The following MC2R variants were observed in gnomAD, a reference collection of about 807,000 sequenced individuals.
The protein encoded by MC2R is melanocortin 2 receptor.
Under a neutral mutation model 9.8 loss-of-function variants are expected in MC2R, and 9 were observed. That is an observed-to-expected ratio of 0.92 (90% CI 0.55 to 1.60). The LOEUF (loss-of-function observed/expected upper bound fraction) is 1.60, where lower values mean the gene tolerates loss of function less well. MC2R is among the 40% of genes most tolerant of loss of function. The pLI is 0.00. For missense variants in MC2R, 370 were observed against 389.0 expected, an observed-to-expected ratio of 0.95 and a Z score of 0.41; for synonymous variants, 185 against 154.7, an observed-to-expected ratio of 1.20 and a Z score of -1.45.
At chr18:13,886,954 G>A (rs2045280142) in intron 1 of MC2R, among the ~76,000 whole-genome samples, 1 of 152,232 alleles carries the variant, frequency 6.6e-6, no homozygotes, top group Non-Finnish European at 1.5e-5. Context: ...GATGCGGAAG[G>A]AAGGGGTTGA....
intron 1 of MC2R, among the ~76,000 whole-genome samples, chr18:13,890,889 T>C (rs1016424550): frequency 1.3e-5 from 2 of 149,438 alleles, no homozygotes; most frequent in Non-Finnish European, 1.5e-5. Flanking sequence ...GCTGAGATGA[T>C]GGGATTAGCA....
chr18:13,888,149 T>A (rs1404850196), intron 1 of MC2R, among the ~76,000 whole-genome samples: 2 of 152,202 alleles, frequency 1.3e-5, no homozygotes, highest in Admixed American at 1.3e-4. Context: ...GTTGTAATAT[T>A]TTTTTAGAAA....
rs1253906911 is a variant in MC2R at position 13,884,283 on chromosome 18, T to G, written c.*342A>C. The G allele has an allele frequency of 2.8e-6, 1 of 352,694 alleles. No homozygotes were observed. Among genetic ancestry groups the G allele is most frequent in the African/African-American group, 2.1e-5 (1 of 47,606 alleles). The allele number at this position is 352,694 out of a possible 1,614,324, so 21.8% of individuals were successfully genotyped here. A position where few individuals can be genotyped will look rare whatever the true frequency, so the allele number is the denominator to read the frequency against. On this transcript the variant is annotated 3_prime_UTR_variant, in exon 2 of 2. Transcript: ENST00000327606. ...GCCTTAGCCCAAAGCCCTTGAATTTTTATTGCTGTTTTACTAGATTGGTGC... is the reference window on the plus strand; with the variant it reads ...GCCTTAGCCCAAAGCCCTTGAATTTGTATTGCTGTTTTACTAGATTGGTGC...
rs558893035 is a variant in MC2R at position 13,896,907 on chromosome 18, A to G, written c.-128-11261T>C. Among the ~76,000 whole-genome samples, 6 of 152,366 alleles carry G rather than the reference A, an allele frequency of 3.9e-5. No individual in the cohort carries two copies. The East Asian group carries it at 1.2e-3, about 29-fold the overall frequency. On this transcript the variant is annotated intron_variant, in intron 1 of 1. Transcript: ENST00000327606. ...AGTCCATACAATAGAATGCTACATG[A>G]CAATTAAAATCACAGCTCAACATAC...
At chr18:13,904,233 TAGGC>T (rs1459729426) in intron 1 of MC2R, among the ~76,000 whole-genome samples, 1 of 150,142 alleles carries the variant, frequency 6.7e-6, no homozygotes, top group Non-Finnish European at 1.5e-5. Flanking sequence ...AAAAAAAACT[TAGGC>T]AGGCGAGGTG....
chr18:13,913,357 C>T (rs1040207964), intron 1 of MC2R, among the ~76,000 whole-genome samples: 1 of 152,194 alleles, frequency 6.6e-6, no homozygotes, highest in Admixed American at 6.5e-5. Context: ...CCTGCCACGG[C>T]TGTGCTGCTC....
intron 1 of MC2R, among the ~76,000 whole-genome samples, chr18:13,905,884 C>T (rs974247033): frequency 2.0e-5 from 3 of 152,172 alleles, no homozygotes; most frequent in South Asian, 2.1e-4. Flanking sequence ...GGTGAAACCC[C>T]GTCTCTACTA....
chr18:13,885,723 C>A, intron 1 of MC2R, 77 bp from the exon 2 acceptor site: 1 of 592,572 alleles, frequency 1.7e-6, no homozygotes. Flanking sequence ...CTTAAAGAAA[C>A]TCTATTCCCT....
chr18:13,884,868 C>T lies in MC2R; in HGVS notation c.651G>A (p.Gly217=). The part of the protein sequence containing the change: ...ISTLPRANMK[G]AITLTILLGV... ...CGAGCAGGATGGTCAGTGTGATGGCCCCTTTCATGTTGGCTCTGGGGAGGG... is the reference window on the plus strand; with the variant it reads ...CGAGCAGGATGGTCAGTGTGATGGCTCCTTTCATGTTGGCTCTGGGGAGGG... The change falls in exon 2 of 2, where the codon GGG becomes GGA. Residue 217 remains glycine (G), a synonymous_variant. Coordinates refer to ENST00000327606, the MANE Select transcript of MC2R (RefSeq NM_000529.2). 2 of 1,614,018 alleles carry T rather than the reference C, an allele frequency of 1.2e-6. No individual in the cohort carries two copies. Among genetic ancestry groups the T allele is most frequent in the Non-Finnish European group, 1.7e-6 (2 of 1,180,000 alleles).
intron 1 of MC2R, among the ~76,000 whole-genome samples, chr18:13,898,637 G>A (rs184482019): frequency 5.9e-5 from 9 of 152,322 alleles, no homozygotes; most frequent in South Asian, 2.1e-4. Context: ...AGGTGCTTGC[G>A]TCACTCCACC....
Position 13,883,513 on chromosome 18 carries a change from C to A in MC2R, c.*1112G>T, listed in dbSNP as rs1435770657. The A allele has an allele frequency of 6.6e-6, 1 of 151,016 alleles. No individual in the cohort carries two copies. The highest frequency in any genetic ancestry group is 1.5e-5 in the Non-Finnish European group (1 of 67,916). 9.4% of individuals were successfully genotyped at this position (151,016 alleles called of 1,614,324 possible). A position where few individuals can be genotyped will look rare whatever the true frequency, so the allele number is the denominator to read the frequency against. ...CTTTGACTTGGGGCTATAATAACAG[C>A]ACCATTGCTTGATGTCTTGCTTTGG... On this transcript the variant is annotated 3_prime_UTR_variant, in exon 2 of 2. Transcript: ENST00000327606.
Position 13,883,666 on chromosome 18 carries a change from C to T in MC2R, c.*959G>A, listed in dbSNP as rs1183284506. On this transcript the variant is annotated 3_prime_UTR_variant, in exon 2 of 2. Transcript: ENST00000327606. ...TCTCTCTCTCTCTCTCTGTCTGTCT[C>T]TGTCTCTCTCTCTTTATTTCTTAAA... 2 of 151,934 alleles carry T rather than the reference C, an allele frequency of 1.3e-5. No homozygotes were observed. The highest frequency in any genetic ancestry group is 4.8e-5 in the African/African-American group (2 of 41,286). The allele number at this position is 151,934 out of a possible 1,614,324, so 9.4% of individuals were successfully genotyped here.
At chr18:13,903,060 A>G (rs1335871477) in intron 1 of MC2R, among the ~76,000 whole-genome samples, 1 of 152,240 alleles carries the variant, frequency 6.6e-6, no homozygotes, top group Non-Finnish European at 1.5e-5. Context: ...TCTAAAGAGG[A>G]CATACACATG....
intron 1 of MC2R, among the ~76,000 whole-genome samples, chr18:13,906,523 G>A (rs555505388): frequency 5.3e-5 from 8 of 151,866 alleles, no homozygotes; most frequent in Admixed American, 4.6e-4. Flanking sequence ...AAACCTGCAC[G>A]TTCTGCACAT....
rs79577606 is a variant in MC2R at position 13,896,921 on chromosome 18, A to G, written c.-128-11275T>C. Among the ~76,000 whole-genome samples the G allele has an allele frequency of 5.6e-3, 851 of 152,362 alleles. 8 individuals are homozygous for G. The highest frequency in any genetic ancestry group is 0.019 in the African/African-American group (782 of 41,582). ...AATGCTACATGACAATTAAAATCACAGCTCAACATACCTTGAAATAATAAA... is the reference window on the plus strand; with the variant it reads ...AATGCTACATGACAATTAAAATCACGGCTCAACATACCTTGAAATAATAAA... On this transcript the variant is annotated intron_variant, in intron 1 of 1. Coordinates refer to ENST00000327606, the MANE Select transcript of MC2R (RefSeq NM_000529.2).
intron 1 of MC2R, among the ~76,000 whole-genome samples, chr18:13,911,194 G>T (rs2045442057): frequency 6.6e-6 from 1 of 152,212 alleles, no homozygotes; most frequent in South Asian, 2.1e-4. Context: ...CAGGAGAGGA[G>T]CTGAGGGCCG....
At chr18:13,906,695 C>T (rs2045416664) in intron 1 of MC2R, among the ~76,000 whole-genome samples, 1 of 152,072 alleles carries the variant, frequency 6.6e-6, no homozygotes, top group Admixed American at 6.6e-5. Context: ...TTGCAGAATA[C>T]AAAATCAACA....
intron 1 of MC2R, among the ~76,000 whole-genome samples, chr18:13,892,297 C>T (rs2045319683): frequency 6.6e-6 from 1 of 151,858 alleles, no homozygotes; most frequent in Non-Finnish European, 1.5e-5. Flanking sequence ...GTGACTTTTG[C>T]TAGAGATTAC....
intron 1 of MC2R, among the ~76,000 whole-genome samples, chr18:13,896,464 C>T (rs1462092962): frequency 6.6e-6 from 1 of 152,018 alleles, no homozygotes; most frequent in Non-Finnish European, 1.5e-5. Context: ...AAATAGTTTT[C>T]TTTTAAGATT....
Sources: allele counts gnomAD v4.1 joint callset (sites outside exome capture counted in the v4.1 genomes callset), GRCh38; gene constraint gnomAD v4.1.1; transcripts MANE v1.5; gene names NCBI Gene and HGNC (gene_info 2026-07-23, HGNC 2026-07-21).